The following ZNF423 variants were observed in gnomAD, a reference collection of about 807,000 sequenced individuals.
ZNF423 encodes zinc finger protein 423.
ZNF423 carries 12 observed loss-of-function variants against 95.8 expected under a neutral mutation model. The ratio of observed to expected loss-of-function variants is 0.13; its 90% CI spans 0.08 to 0.20. The LOEUF is 0.20. ZNF423 is among the 10% of genes least tolerant of loss of function. The probability of loss-of-function intolerance (pLI) is 1.00; values close to 1 mark genes in which losing one functional copy is unlikely to be tolerated. For synonymous variants in ZNF423, 749 were observed against 711.9 expected, an observed-to-expected ratio of 1.05 and a Z score of -0.83; for missense variants, 1,316 against 1,737.1, an observed-to-expected ratio of 0.76 and a Z score of 4.31.
chr16:49,542,915 G>A (rs932640209), intron 5 of ZNF423, among the ~76,000 whole-genome samples: 2 of 152,128 alleles, frequency 1.3e-5, no homozygotes, highest in Non-Finnish European at 2.9e-5. Flanking sequence ...AGGGTGCAGC[G>A]AGAGGTTCTG....
chr16:49,763,459 G>C (rs1244931604), intron 2 of ZNF423, among the ~76,000 whole-genome samples: 1 of 151,982 alleles, frequency 6.6e-6, no homozygotes, highest in Non-Finnish European at 1.5e-5. Flanking sequence ...ATTTTTTCTA[G>C]ACATGGGGTT....
At chr16:49,827,479 A>AT (rs1438119609) in intron 1 of ZNF423, among the ~76,000 whole-genome samples, 2 of 152,146 alleles carry the variant, frequency 1.3e-5, no homozygotes, top group African/African-American at 4.8e-5. Flanking sequence ...GACGCTCAGT[A>AT]ATACTTGATT....
rs190034774 is a variant in ZNF423, at chr16:49,755,598, T to G, written c.101-24627A>C. 3.3e-5 allele frequency among the ~76,000 whole-genome samples: 5 copies of G among 152,322 alleles called. No individual in the cohort carries two copies. In the East Asian group the frequency reaches 9.6e-4, roughly 29 times the overall value. On this transcript the variant is annotated intron_variant, in intron 2 of 7. Coordinates refer to ENST00000563137, the MANE Select transcript of ZNF423 (RefSeq NM_001379286.1). ...AGTTGAGTTGGAGAGAAATTAGATT[T>G]ATTTACACGCTGTTCTGTTGCTGAT... is the stretch of plus-strand genomic sequence containing the variant.
intron 1 of ZNF423, among the ~76,000 whole-genome samples, chr16:49,832,442 A>C (rs1024603990): frequency 1.3e-5 from 2 of 152,196 alleles, no homozygotes; most frequent in Admixed American, 1.3e-4. Context: ...CTCCCTGTCC[A>C]TATCTCCACC....
chr16:49,834,097 G>A (rs2035091253), intron 1 of ZNF423, among the ~76,000 whole-genome samples: 1 of 152,238 alleles, frequency 6.6e-6, no homozygotes, highest in South Asian at 2.1e-4. Context: ...GGTTGTCCCT[G>A]AAGAGTTAAC....
intron 3 of ZNF423, among the ~76,000 whole-genome samples, chr16:49,659,157 T>C (rs1443513242): frequency 2.0e-5 from 3 of 152,238 alleles, no homozygotes; most frequent in South Asian, 4.1e-4. Context: ...GGCGCAATCA[T>C]AGCTCACTGT....
At chr16:49,574,699 CAGCTGCACTCCAGGTCGTGCAT>C (rs367997624) in intron 5 of ZNF423, among the ~76,000 whole-genome samples, 8,819 of 152,226 alleles carry the variant, frequency 0.058, 293 homozygotes, top group Middle Eastern at 0.088. Context: ...CGCCTACAGC[CAGCTGCACTCCAGGTCGTGCAT>C]CCCACCTCGC....
At chr16:49,653,311 CA>C (rs5816652) in intron 3 of ZNF423, among the ~76,000 whole-genome samples, 22,982 of 98,980 alleles carry the variant, frequency 0.23, 1,830 homozygotes, top group Middle Eastern at 0.28. Flanking sequence ...CAAGAACCAC[CA>C]AAAAAAAAAA....
rs1474561018 is a variant in ZNF423 at position 49,815,866 on chromosome 16, CAAACAAA to C, written c.41-26327_41-26321del. ...TTAAGTGTTACATTCTAATTCCAAA[CAAACAAA>C]AAAAAAAAATATATATATATATATA... On this transcript the variant is annotated intron_variant, in intron 1 of 7. Transcript: ENST00000563137. 5.8e-3 allele frequency among the ~76,000 whole-genome samples: 338 copies of C among 57,790 alleles called. 13 individuals carry two copies. The highest frequency in any genetic ancestry group is 0.017 in the Middle Eastern group (1 of 60). 37.9% of individuals were successfully genotyped at this position (57,790 alleles called of 152,430 possible). A position where few individuals can be genotyped will look rare whatever the true frequency, so the allele number is the denominator to read the frequency against.
intron 5 of ZNF423, among the ~76,000 whole-genome samples, chr16:49,528,708 C>T (rs1212778776): frequency 1.3e-5 from 2 of 151,976 alleles, no homozygotes; most frequent in African/African-American, 4.8e-5. Flanking sequence ...GTTAGAGGTA[C>T]TCCCTTGGGT....
At chr16:49,703,651 C>T (rs113531885) in intron 3 of ZNF423, among the ~76,000 whole-genome samples, 2,061 of 152,352 alleles carry the variant, frequency 0.014, 23 homozygotes, top group Middle Eastern at 0.034. Context: ...AGGCACCTAG[C>T]AGGGGAGCCC....
chr16:49,702,405 C>T (rs2032211000), intron 3 of ZNF423, among the ~76,000 whole-genome samples: 1 of 152,232 alleles, frequency 6.6e-6, no homozygotes, highest in Non-Finnish European at 1.5e-5. Flanking sequence ...CAGCCCCATC[C>T]TCGCCTTTGG....
At chr16:49,535,336 C>T (rs185661568) in intron 5 of ZNF423, among the ~76,000 whole-genome samples, 63 of 152,332 alleles carry the variant, frequency 4.1e-4, no homozygotes, top group Admixed American at 3.2e-3. Flanking sequence ...CTTCCTATGA[C>T]GCTGGCGGAC....
At chr16:49,511,528 G>C (rs1314700296) in intron 7 of ZNF423, among the ~76,000 whole-genome samples, 1 of 152,198 alleles carries the variant, frequency 6.6e-6, no homozygotes, top group Non-Finnish European at 1.5e-5. Context: ...GTCCTAAGAG[G>C]CTACCCACAT....
rs147370647 is a variant in ZNF423, at chr16:49,592,595, C to T, written c.3601+33575G>A. On this transcript the variant is annotated intron_variant, in intron 5 of 7. Coordinates refer to ENST00000563137, the MANE Select transcript of ZNF423 (RefSeq NM_001379286.1). ...CTGGGCCATAAGCCATGAACCAAAACGTGAATAAGACAGCTCTGTGTGCCA... is the reference window on the plus strand; with the variant it reads ...CTGGGCCATAAGCCATGAACCAAAATGTGAATAAGACAGCTCTGTGTGCCA... Among the ~76,000 whole-genome samples the T allele has an allele frequency of 5.3e-5, 8 of 152,364 alleles. No homozygotes were observed. The East Asian group carries it at 1.3e-3, about 26-fold the overall frequency.
chr16:49,853,561 A>G (rs1406960261), intron 1 of ZNF423: 7 of 865,642 alleles, frequency 8.1e-6, no homozygotes, highest in Non-Finnish European at 9.7e-6. Flanking sequence ...TATTTACAAC[A>G]CCGAGTCTCG....
chr16:49,776,256 C>T (rs553780604), intron 2 of ZNF423, among the ~76,000 whole-genome samples: 20 of 152,352 alleles, frequency 1.3e-4, no homozygotes, highest in Non-Finnish European at 1.9e-4. Context: ...AGAACAGGAA[C>T]GCTGAGCCGA....
At chr16:49,671,736 A>T (rs1489082022) in intron 3 of ZNF423, among the ~76,000 whole-genome samples, 2 of 151,638 alleles carry the variant, frequency 1.3e-5, no homozygotes, top group East Asian at 3.9e-4. Flanking sequence ...CAGGCTGGAG[A>T]GTGCTGGTGC....
intron 1 of ZNF423, among the ~76,000 whole-genome samples, chr16:49,804,029 G>A (rs1259819919): frequency 6.8e-5 from 10 of 146,054 alleles, no homozygotes; most frequent in South Asian, 2.3e-4. Context: ...TCCACCTCCC[G>A]GATTCAAGTG....
Sources: allele counts gnomAD v4.1 joint callset (sites outside exome capture counted in the v4.1 genomes callset), GRCh38; gene constraint gnomAD v4.1.1; transcripts MANE v1.5; gene names NCBI Gene and HGNC (gene_info 2026-07-23, HGNC 2026-07-21).